The following CFAP61 variants were observed in gnomAD, a reference collection of about 807,000 sequenced individuals.
The protein encoded by CFAP61 is cilia- and flagella-associated protein 61.
A neutral mutation model predicts 135.6 loss-of-function variants in CFAP61; 107 were observed. The observed-to-expected ratio is 0.79, with a 90% CI of 0.67 to 0.93. The LOEUF (loss-of-function observed/expected upper bound fraction) is 0.93, where lower values mean the gene tolerates loss of function less well. Among genes scored for constraint, CFAP61 ranks in the 40% least tolerant of loss-of-function variants. CFAP61 has a pLI of 0.00. For synonymous variants in CFAP61, 575 were observed against 578.5 expected (o/e 0.99, Z 0.09); for missense variants, 1,507 against 1,556.2 (o/e 0.97, Z 0.53).
intron 7 of CFAP61, among the ~76,000 whole-genome samples, chr20:20,096,219 T>C (rs6075613): frequency 0.79 from 120,788 of 152,152 alleles, 48,293 homozygotes; most frequent in East Asian, 0.99. Flanking sequence ...TATTTAAGAA[T>C]AGTGTTTCTC....
At chr20:20,058,281 T>G (rs1288496382) in intron 2 of CFAP61, among the ~76,000 whole-genome samples, 2 of 152,206 alleles carry the variant, frequency 1.3e-5, no homozygotes, top group Non-Finnish European at 2.9e-5. Context: ...GGCATTATGG[T>G]GGACTCAGTA....
chr20:20,330,718 G>A (rs938351506), intron 25 of CFAP61, among the ~76,000 whole-genome samples: 1 of 152,164 alleles, frequency 6.6e-6, no homozygotes, highest in Admixed American at 6.5e-5. Context: ...TTCAGCAGGT[G>A]CAGCGGTGGG....
At chr20:20,238,847 G>C (rs1342622754) in intron 18 of CFAP61, among the ~76,000 whole-genome samples, 1 of 152,072 alleles carries the variant, frequency 6.6e-6, no homozygotes, top group Non-Finnish European at 1.5e-5. Context: ...TCTTTGAGCT[G>C]TTCCTCCCTT....
At chr20:20,057,600 TTAAAG>T (rs1239694240) in intron 2 of CFAP61, among the ~76,000 whole-genome samples, 4 of 152,374 alleles carry the variant, frequency 2.6e-5, no homozygotes, top group Middle Eastern at 3.4e-3. Flanking sequence ...CTTCTGAACT[TTAAAG>T]TATGCATAGA....
intron 26 of CFAP61, among the ~76,000 whole-genome samples, chr20:20,358,153 C>CTG (rs201222709): frequency 7.8e-6 from 1 of 128,792 alleles, no homozygotes; most frequent in African/African-American, 3.1e-5. Flanking sequence ...GGTGGTCACA[C>CTG]TGAGGGGAGG....
At chr20:20,140,649 A>T (rs188839632) in intron 8 of CFAP61, among the ~76,000 whole-genome samples, 1 of 152,250 alleles carries the variant, frequency 6.6e-6, no homozygotes, top group Admixed American at 6.5e-5. Flanking sequence ...TGTGGAAGTC[A>T]GTGTGGCAAT....
At chr20:20,206,570 G>A (rs770297746) in intron 17 of CFAP61, among the ~76,000 whole-genome samples, 9 of 152,118 alleles carry the variant, frequency 5.9e-5, no homozygotes, top group South Asian at 2.1e-4. Flanking sequence ...TTTCATCCAC[G>A]TTGTAGCGTG....
At chr20:20,278,069 C>T (rs1242273115) in intron 22 of CFAP61, among the ~76,000 whole-genome samples, 1 of 152,198 alleles carries the variant, frequency 6.6e-6, no homozygotes, top group Admixed American at 6.5e-5. Flanking sequence ...AAATTAAACC[C>T]TGCCTGTTCA....
chr20:20,315,124 A>G (rs1014402712), intron 25 of CFAP61, among the ~76,000 whole-genome samples: 2 of 150,912 alleles, frequency 1.3e-5, no homozygotes, highest in Non-Finnish European at 2.9e-5. Context: ...TGACTTCCAC[A>G]AGGATTGAAC....
intron 26 of CFAP61, among the ~76,000 whole-genome samples, chr20:20,344,211 GCCAGCCGTCC>G (rs934004494): frequency 1.3e-5 from 2 of 152,220 alleles, no homozygotes; most frequent in Non-Finnish European, 2.9e-5. Flanking sequence ...CAGAACCGTG[GCCAGCCGTCC>G]CACCTCAGAG....
chr20:20,289,822 AC>A (rs2054873217), intron 23 of CFAP61, among the ~76,000 whole-genome samples: 1 of 152,278 alleles, frequency 6.6e-6, no homozygotes, highest in African/African-American at 2.4e-5. Flanking sequence ...GACCTCAGGA[AC>A]AAACCAAAAT....
At position 20,062,457 on chromosome 20, in the gene CFAP61, C is replaced by G. The variant is rs138644188; in HGVS notation, c.143+5661C>G. Among the ~76,000 whole-genome samples, 979 of 152,156 alleles carry G rather than the reference C, an allele frequency of 6.4e-3. 11 individuals are homozygous for G. The highest frequency in any genetic ancestry group is 0.023 in the African/African-American group (935 of 41,504). On this transcript the variant is annotated intron_variant, in intron 2 of 26. Coordinates refer to ENST00000245957, the MANE Select transcript of CFAP61 (RefSeq NM_015585.4). ...GCCTGAAATAAAGTTCAGAGTTTAC[C>G]TCTAAGAGCAAGAACAGTCGAATCA...
chr20:20,290,177 G>T, intron 23 of CFAP61, 123 bp from the exon 24 acceptor site: 1 of 684,652 alleles, frequency 1.5e-6, no homozygotes, highest in Non-Finnish European at 2.6e-6. Flanking sequence ...TGGTACTTTA[G>T]TGTGAAAGTT....
intron 2 of CFAP61, chr20:20,069,990 A>G: frequency 3.6e-6 from 1 of 278,228 alleles, no homozygotes. Context: ...TTCACTAAGA[A>G]AGTAAAAAAT....
intron 21 of CFAP61, among the ~76,000 whole-genome samples, chr20:20,271,530 G>A (rs912798380): frequency 4.6e-5 from 7 of 152,164 alleles, no homozygotes; most frequent in Admixed American, 2.6e-4. Context: ...TTAGCAGTGC[G>A]AGAATGACTT....
intron 8 of CFAP61, among the ~76,000 whole-genome samples, chr20:20,141,766 G>A (rs1248767575): frequency 6.6e-6 from 1 of 152,212 alleles, no homozygotes; most frequent in African/African-American, 2.4e-5. Context: ...GAATACCATG[G>A]GAGAGGAGGA....
At chr20:20,309,353 A>C (rs2122186197) in intron 25 of CFAP61, among the ~76,000 whole-genome samples, 1 of 152,344 alleles carries the variant, frequency 6.6e-6, no homozygotes, top group Middle Eastern at 3.4e-3. Flanking sequence ...AGATGATTGC[A>C]CTATGAAATG....
chr20:20,152,166 A>G (rs955028554), intron 9 of CFAP61, among the ~76,000 whole-genome samples: 1 of 152,176 alleles, frequency 6.6e-6, no homozygotes, highest in Admixed American at 6.5e-5. Flanking sequence ...AACAAATGCT[A>G]AGAGAATTTG....
intron 20 of CFAP61, chr20:20,258,667 C>G (rs956160524): frequency 1.3e-5 from 2 of 152,230 alleles, no homozygotes; most frequent in African/African-American, 2.4e-5. Flanking sequence ...TCCCGAGGAA[C>G]AGCTTTCCGA....
Sources: gnomAD v4.1 joint callset for allele counts (sites outside exome capture counted in the v4.1 genomes callset) on GRCh38, gnomAD v4.1.1 for gene constraint, MANE v1.5 for transcripts, NCBI Gene and HGNC (gene_info 2026-07-23, HGNC 2026-07-21) for gene names.